Variants in ZFX observed in about 807,000 individuals in gnomAD.
The protein encoded by ZFX is zinc finger protein X-linked, also known as zinc finger X-chromosomal protein.
For synonymous variants in ZFX, 196 were observed against 226.8 expected, an observed-to-expected ratio of 0.86 and a Z score of 1.22; for missense variants, 362 against 628.3, an observed-to-expected ratio of 0.58 and a Z score of 4.53.
rs1375761958 is a variant in ZFX at position 24,213,106 on chromosome X, C to G, written c.*1730C>G. On this transcript the variant is annotated 3_prime_UTR_variant, in exon 10 of 10. Transcript: ENST00000304543. Reference sequence around the variant, plus strand: ...TATTTTTAATAGAGATGGGGTTTCACCATCTTGGCCAGGCTGGTCTTGAAC... The same window carrying G: ...TATTTTTAATAGAGATGGGGTTTCAGCATCTTGGCCAGGCTGGTCTTGAAC... 9.0e-6 allele frequency: 1 copy of G among 111,209 alleles called. No individual in the cohort carries two copies. The highest frequency in any genetic ancestry group is 1.9e-5 in the Non-Finnish European group (1 of 52,969). The allele number at this position is 111,209 out of a possible 1,213,427, so 9.2% of individuals were successfully genotyped here. A position where few individuals can be genotyped will look rare whatever the true frequency, so the allele number is the denominator to read the frequency against.
chrX:24,150,183 G>A (rs754118595), intron 1 of ZFX: 3 of 90,364 alleles, frequency 3.3e-5, no homozygotes, highest in Non-Finnish European at 6.1e-5. Context: ...TATCGGTGAG[G>A]GGGGGGGAGG....
chrX:24,213,021 C>G lies in ZFX; in HGVS notation c.*1645C>G, dbSNP rs1211880253. ...TTCCTGGGTTCAAGCAATTATCTGC[C>G]TCAGCCTCTCGAGTAGCTGGGATTA... On this transcript the variant is annotated 3_prime_UTR_variant, in exon 10 of 10. Coordinates refer to ENST00000304543, the MANE Select transcript of ZFX (RefSeq NM_003410.4). 9.0e-6 allele frequency: 1 copy of G among 110,837 alleles called. No individual in the cohort carries two copies. The highest frequency in any genetic ancestry group is 3.3e-5 in the African/African-American group (1 of 30,373). 9.1% of individuals were successfully genotyped at this position (110,837 alleles called of 1,213,427 possible).
chrX:24,156,409 A>G (rs1313762923), intron 3 of ZFX, among the ~76,000 whole-genome samples: 1 of 110,866 alleles, frequency 9.0e-6, no homozygotes, highest in Non-Finnish European at 1.9e-5. Flanking sequence ...CAAGGTTGTA[A>G]TGATACTGTG....
chrX:24,195,893 G>A (rs2704818), intron 5 of ZFX, among the ~76,000 whole-genome samples: 46,185 of 111,177 alleles, frequency 0.42, 6,846 homozygotes, highest in South Asian at 0.77. Flanking sequence ...TCCCTTTCCC[G>A]TGACTTTTCA....
Position 24,175,155 on chromosome X carries a change from A to G in ZFX, c.58+2355A>G, listed in dbSNP as rs184702330. On this transcript the variant is annotated intron_variant, in intron 4 of 9. Transcript: ENST00000304543. ...TTTCTTCCTTGGAACATGAAATATAAGTAATATACTTGAAAGAGACTAAAC... is the reference window on the plus strand; with the variant it reads ...TTTCTTCCTTGGAACATGAAATATAGGTAATATACTTGAAAGAGACTAAAC... Among the ~76,000 whole-genome samples, 224 of 112,642 alleles carry G rather than the reference A, an allele frequency of 2.0e-3. 1 individual carries two copies. The highest frequency in any genetic ancestry group is 7.1e-3 in the African/African-American group (220 of 31,037).
intron 5 of ZFX, among the ~76,000 whole-genome samples, chrX:24,188,425 T>A (rs1321619903): frequency 3.6e-5 from 4 of 111,527 alleles, no homozygotes; most frequent in Admixed American, 9.6e-5. Context: ...AAAAATAATT[T>A]GAGATGAACT....
chrX:24,156,001 A>G (rs1231343307), intron 3 of ZFX, among the ~76,000 whole-genome samples: 1 of 111,742 alleles, frequency 8.9e-6, no homozygotes, highest in African/African-American at 3.3e-5. Flanking sequence ...GGTTCAAGCA[A>G]TTGTCCTGCC....
intron 5 of ZFX, 161 bp from the exon 6 acceptor site, chrX:24,207,165 G>A (rs1392115169): frequency 4.2e-6 from 2 of 475,158 alleles, no homozygotes; most frequent in Admixed American, 4.1e-5. Flanking sequence ...CCTGGGAGGC[G>A]GAGGTTGCAG....
At chrX:24,175,387 A>C (rs1445348506) in intron 4 of ZFX, 1 of 111,744 alleles carries the variant, frequency 8.9e-6, no homozygotes, top group East Asian at 2.8e-4. Context: ...CTCTCATTAC[A>C]GTTTTTCAGA....
At chrX:24,155,225 A>G (rs1932687693) in intron 3 of ZFX, among the ~76,000 whole-genome samples, 1 of 112,357 alleles carries the variant, frequency 8.9e-6, no homozygotes, top group South Asian at 3.6e-4. Context: ...CTCAGTTTTA[A>G]TTTCTAGTAT....
chrX:24,179,561 A>G lies in ZFX; in HGVS notation c.437A>G (p.His146Arg). The G allele has an allele frequency of 1.7e-6, 2 of 1,210,523 alleles. No homozygotes were observed. Among genetic ancestry groups the G allele is most frequent in the Non-Finnish European group, 2.2e-6 (2 of 895,000 alleles). Residue 146 changes from histidine (H) to arginine (R), a missense_variant, in exon 5 of 10, where the codon CAT (histidine) becomes CGT (arginine). His to Arg is a conservative substitution (Grantham distance 29). Transcript: ENST00000304543. ...TCTATACATGTGTCTGACGTTGGAC[A>G]TGTTGGACATGTTGGACATGTTGAA... ...GDSIHVSDVG[H>R]VGHVGHVEHV...
At chrX:24,156,792 C>T (rs1932819368) in intron 3 of ZFX, among the ~76,000 whole-genome samples, 1 of 109,335 alleles carries the variant, frequency 9.1e-6, no homozygotes, top group Non-Finnish European at 1.9e-5. Context: ...GTAGCTGGGA[C>T]TACAGGCGCC....
At chrX:24,183,462 C>T (rs1229624329) in intron 5 of ZFX, among the ~76,000 whole-genome samples, 1 of 111,428 alleles carries the variant, frequency 9.0e-6, no homozygotes, top group Non-Finnish European at 1.9e-5. Flanking sequence ...GCTGGGATTA[C>T]GGACGTGAGC....
chrX:24,152,422 C>A (rs186328556), intron 2 of ZFX, among the ~76,000 whole-genome samples: 1 of 111,505 alleles, frequency 9.0e-6, no homozygotes, highest in African/African-American at 3.3e-5. Context: ...CATGAACCAC[C>A]GTGCCCTGCC....
chrX:24,155,685 T>C lies in ZFX; in HGVS notation c.-29+2855T>C. On this transcript the variant is annotated intron_variant, in intron 3 of 9. Transcript: ENST00000304543. The stretch of plus-strand genomic sequence containing the variant: ...GTTTCTCCAAATCACTGCCAAAGGA[T>C]TAGATTTTGCAATTTTTTCCCAATC... Among the ~76,000 whole-genome samples the C allele has an allele frequency of 2.7e-5, 3 of 112,609 alleles. No individual in the cohort carries two copies. The South Asian group carries it at 1.1e-3, about 41-fold the overall frequency.
intron 5 of ZFX, among the ~76,000 whole-genome samples, chrX:24,200,774 C>T (rs1181658184): frequency 8.9e-6 from 1 of 111,878 alleles, no homozygotes. Context: ...TCTCTTCCAC[C>T]TCTCACTTAG....
rs1039959891 is a variant in ZFX at position 24,208,111 on chromosome X, A to C, written c.941-107A>C. ...GAAAGCTATGTTCTAGGTATGTAAT[A>C]TTTGGACCATCTTTCCATTTTGTCT... On this transcript the variant is annotated intron_variant, in intron 7 of 9. Transcript: ENST00000304543. 6.8e-6 allele frequency: 7 copies of C among 1,025,614 alleles called. No individual in the cohort carries two copies. In the Admixed American group the frequency reaches 1.9e-4, roughly 28 times the overall value. The allele number at this position is 1,025,614 out of a possible 1,213,427, so 84.5% of individuals were successfully genotyped here.
In ZFX at chrX:24,210,575, G is replaced by A. The variant is rs147810543; in HGVS notation, c.1617G>A (p.Leu539=). 2.8e-5 allele frequency: 34 copies of A among 1,209,950 alleles called. No homozygotes were observed. The African/African-American group carries it at 5.4e-4, about 19-fold the overall frequency. Residue 539 remains leucine (L), a synonymous_variant, in exon 10 of 10, where the codon TTG becomes TTA. Coordinates refer to ENST00000304543, the MANE Select transcript of ZFX (RefSeq NM_003410.4). The part of the protein sequence containing the change: ...AEQGLLNRHL[L]AVHSKNFPHI... Reference sequence around the variant, plus strand: ...AAGGGTTATTGAATCGCCACCTCTTGGCAGTCCACAGCAAGAACTTTCCTC... The same window carrying A: ...AAGGGTTATTGAATCGCCACCTCTTAGCAGTCCACAGCAAGAACTTTCCTC...
At chrX:24,149,192 GGGGTCTGA>G (rs1325454928), upstream of ZFX, 1 of 109,909 alleles carries the variant, frequency 9.1e-6, no homozygotes, top group African/African-American at 3.3e-5. Context: ...ACTGCGGGCG[GGGGTCTGA>G]GGGCCTGCAA....
Sources: gnomAD v4.1 joint callset for allele counts (sites outside exome capture counted in the v4.1 genomes callset) on GRCh38, gnomAD v4.1.1 for gene constraint, MANE v1.5 for transcripts, NCBI Gene and HGNC (gene_info 2026-07-23, HGNC 2026-07-21) for gene names.